The following RUFY3 variants were observed in gnomAD, a reference collection of about 807,000 sequenced individuals.
RUFY3 encodes the protein RUN and FYVE domain containing 3.
Under a neutral mutation model 84.0 loss-of-function variants are expected in RUFY3, and 34 were observed. That is an observed-to-expected ratio of 0.40 (90% CI 0.31 to 0.54). RUFY3 has a LOEUF of 0.54. Ranked by LOEUF, RUFY3 falls within the 20% of genes least tolerant of loss-of-function variation. The probability of loss-of-function intolerance (pLI) is 0.39; values close to 1 mark genes in which losing one functional copy is unlikely to be tolerated. For synonymous variants in RUFY3, 242 were observed against 252.9 expected (o/e 0.96, Z 0.41); for missense variants, 507 against 736.8 (o/e 0.69, Z 3.61).
chr4:70,720,857 G>C (rs1165659254), upstream of RUFY3, among the ~76,000 whole-genome samples: 3 of 150,512 alleles, frequency 2.0e-5, no homozygotes, highest in Admixed American at 1.3e-4. Flanking sequence ...TTGCTACCAA[G>C]GTATAAATGC....
chr4:70,771,968 C>G (rs568838344), intron 5 of RUFY3, among the ~76,000 whole-genome samples: 161 of 151,936 alleles, frequency 1.1e-3, no homozygotes, highest in Middle Eastern at 6.8e-3. Context: ...ACCAGATCAT[C>G]ATAAAGGTCT....
chr4:70,802,837 A>G, intron 15 of RUFY3, 119 bp from the exon 16 acceptor site: 2 of 651,566 alleles, frequency 3.1e-6, no homozygotes, highest in Admixed American at 3.1e-5. Context: ...GTAATATAAA[A>G]GACCTACAGT....
At position 70,722,073 on chromosome 4, in the gene RUFY3, A is replaced by G. The variant is rs1444047294; in HGVS notation, c.-501A>G. On this transcript the variant is annotated 5_prime_UTR_variant, in exon 1 of 18. Coordinates refer to ENST00000381006, the MANE Select transcript of RUFY3 (RefSeq NM_001037442.4). ...AGCAGATCCTGGAAGTGATTTCTGC[A>G]GCTCAGGATTTTTTTTTTAAGCTAC... 3 of 1,231,986 alleles carry G rather than the reference A, an allele frequency of 2.4e-6. No homozygotes were observed. The East Asian group carries it at 9.5e-5, about 39-fold the overall frequency. The allele number at this position is 1,231,986 out of a possible 1,614,324, so 76.3% of individuals were successfully genotyped here. A position where few individuals can be genotyped will look rare whatever the true frequency, so the allele number is the denominator to read the frequency against.
At chr4:70,717,640 A>C (rs1481400685), upstream of RUFY3, among the ~76,000 whole-genome samples, 1 of 151,952 alleles carries the variant, frequency 6.6e-6, no homozygotes, top group Non-Finnish European at 1.5e-5. Flanking sequence ...TCTCTGAATA[A>C]AATTTAACAT....
chr4:70,770,603 G>T (rs1483833198), intron 5 of RUFY3, among the ~76,000 whole-genome samples: 1 of 152,160 alleles, frequency 6.6e-6, no homozygotes, highest in Non-Finnish European at 1.5e-5. Flanking sequence ...TGAATTAGGT[G>T]TTGGCTTAAG....
exon 1 of RUFY3, chr4:70,704,832 G>A: frequency 1.4e-6 from 1 of 739,774 alleles, no homozygotes; most frequent in Non-Finnish European, 1.8e-6. Flanking sequence ...GGTGGCGGCG[G>A]CGGCGCAGCG....
At chr4:70,775,826 T>C (rs1452059423) in intron 7 of RUFY3, among the ~76,000 whole-genome samples, 1 of 151,804 alleles carries the variant, frequency 6.6e-6, no homozygotes, top group African/African-American at 2.4e-5. Flanking sequence ...TAGTCCCAGC[T>C]ACTTGTGGGG....
At chr4:70,717,833 A>G (rs1375812318), upstream of RUFY3, among the ~76,000 whole-genome samples, 3 of 148,320 alleles carry the variant, frequency 2.0e-5, no homozygotes, top group Non-Finnish European at 4.4e-5. Context: ...GAAGGTATCA[A>G]TCTCTGTTTT....
chr4:70,755,584 A>T (rs1293563395), intron 1 of RUFY3, among the ~76,000 whole-genome samples: 1 of 152,210 alleles, frequency 6.6e-6, no homozygotes, highest in Non-Finnish European at 1.5e-5. Flanking sequence ...ATGACTCTGT[A>T]AAGTTTATTA....
intron 1 of RUFY3, among the ~76,000 whole-genome samples, chr4:70,711,165 C>T (rs893900976): frequency 6.6e-6 from 1 of 151,594 alleles, no homozygotes; most frequent in Non-Finnish European, 1.5e-5. Context: ...CACTGTGTTG[C>T]CCAGGCTGGT....
intron 10 of RUFY3, among the ~76,000 whole-genome samples, chr4:70,787,214 A>ATATATATATATAT (rs757534627): frequency 9.9e-5 from 13 of 131,708 alleles, no homozygotes; most frequent in African/African-American, 3.8e-4. Context: ...ATATATATAT[A>ATATATATATATAT]AAAACAAATT....
At position 70,760,900 on chromosome 4, in the gene RUFY3, G is replaced by C. The variant is rs563246166; in HGVS notation, c.179-1619G>C. On this transcript the variant is annotated intron_variant, in intron 1 of 17. Coordinates refer to ENST00000381006, the MANE Select transcript of RUFY3 (RefSeq NM_001037442.4). The stretch of plus-strand genomic sequence containing the variant: ...TTTATATAGTTGGAATTGCAAATCC[G>C]TAAGTCCTTAAACTTAATGAGAAGA... Among the ~76,000 whole-genome samples, 472 of 152,294 alleles carry C rather than the reference G, an allele frequency of 3.1e-3. 2 individuals are homozygous for C. The highest frequency in any genetic ancestry group is 4.7e-3 in the Non-Finnish European group (323 of 68,022).
In RUFY3 at chr4:70,723,016, T is replaced by C. The variant is rs566152203; in HGVS notation, c.178+265T>C. On this transcript the variant is annotated intron_variant, in intron 1 of 17. Transcript: ENST00000381006. ...TGTCTTTAAGCCTCTAAATAAAACA[T>C]TTGAGGTCACTTATCACATCTGATT... 1.1e-4 allele frequency among the ~76,000 whole-genome samples: 17 copies of C among 152,294 alleles called. No homozygotes were observed. In the South Asian group the frequency reaches 2.9e-3, roughly 26 times the overall value.
chr4:70,787,201 TATATATATATATA>T (rs1239077973), intron 10 of RUFY3, among the ~76,000 whole-genome samples: 5 of 134,334 alleles, frequency 3.7e-5, no homozygotes, highest in African/African-American at 1.5e-4. Flanking sequence ...TATATATATA[TATATATATATATA>T]AAAACAAATT....
chr4:70,753,044 A>AT (rs199944732), intron 1 of RUFY3, among the ~76,000 whole-genome samples: 1,840 of 151,948 alleles, frequency 0.012, 29 homozygotes, highest in African/African-American at 0.042. Context: ...TCTGTATGCT[A>AT]TTTTTTTATT....
chr4:70,792,396 T>C (rs1560565660), intron 12 of RUFY3: 1 of 970,886 alleles, frequency 1.0e-6, no homozygotes, highest in African/African-American at 1.8e-5. Context: ...AGTACAAAAA[T>C]AGATTCCCAG....
intron 8 of RUFY3, among the ~76,000 whole-genome samples, chr4:70,782,681 GGTGGGCAGATCTCTT>G (rs1485844349): frequency 6.6e-6 from 1 of 152,118 alleles, no homozygotes; most frequent in Non-Finnish European, 1.5e-5. Flanking sequence ...GGGAGGCCGA[GGTGGGCAGATCTCTT>G]GAAGGCAGAA....
At position 70,788,949 on chromosome 4, in the gene RUFY3, G is replaced by A; in HGVS notation, c.1215G>A (p.Lys405=). 1 of 1,614,108 alleles carries A rather than the reference G, an allele frequency of 6.2e-7. No individual in the cohort carries two copies. The highest frequency in any genetic ancestry group is 8.5e-7 in the Non-Finnish European group (1 of 1,179,988). Residue 405 remains lysine (K), a synonymous_variant, in exon 11 of 18, where the codon AAG becomes AAA. Transcript: ENST00000381006. ...RQQLDDLRAL[K]HELAFKLQSS... ...AGCTGGATGACCTCAGAGCTCTCAAGCATGAACTTGCCTTTAAGCTGCAGG... is the reference window on the plus strand; with the variant it reads ...AGCTGGATGACCTCAGAGCTCTCAAACATGAACTTGCCTTTAAGCTGCAGG...
intron 1 of RUFY3, among the ~76,000 whole-genome samples, chr4:70,743,192 C>T (rs540768283): frequency 6.6e-6 from 1 of 152,242 alleles, no homozygotes; most frequent in Admixed American, 6.5e-5. Context: ...GCCTCAGCTT[C>T]CTAAGTAGCT....
Sources: allele counts gnomAD v4.1 joint callset (sites outside exome capture counted in the v4.1 genomes callset), GRCh38; gene constraint gnomAD v4.1.1; transcripts MANE v1.5; gene names NCBI Gene and HGNC (gene_info 2026-07-23, HGNC 2026-07-21).